GARIN3: variants seen among roughly 807,000 people sequenced by gnomAD.
GARIN3 encodes the protein golgi associated RAB2 interactor family member 3.
chr5:157,163,067 A>G, the GARIN3 span: 2 of 1,614,226 alleles, frequency 1.2e-6, no homozygotes, highest in Non-Finnish European at 1.7e-6. Context: ...TGCAAGGTGG[A>G]GATGAGGGGT....
At chr5:157,163,065 G>A in the GARIN3 span, 2 of 1,614,258 alleles carry the variant, frequency 1.2e-6, no homozygotes, top group East Asian at 2.2e-5. Flanking sequence ...TTTGCAAGGT[G>A]GAGATGAGGG....
chr5:157,165,461 T>C, the GARIN3 span: 1 of 1,501,770 alleles, frequency 6.7e-7, no homozygotes, highest in Non-Finnish European at 8.9e-7. Context: ...GCAATACTTT[T>C]TCCAGGTGGG....
the GARIN3 span, chr5:157,163,591 G>A: frequency 1.2e-6 from 2 of 1,614,142 alleles, no homozygotes; most frequent in South Asian, 2.2e-5. Context: ...AGAGGTGGCT[G>A]CAGATACATC....
At chr5:157,166,237 T>TA in the GARIN3 span, 1 of 1,548,202 alleles carries the variant, frequency 6.5e-7, no homozygotes. Flanking sequence ...GGAGAGAAGG[T>TA]AACTGCCCAT....
chr5:157,163,955 G>C, the GARIN3 span, among the ~76,000 whole-genome samples: 1 of 152,166 alleles, frequency 6.6e-6, no homozygotes, highest in South Asian at 2.1e-4. Flanking sequence ...TACTCAGTAG[G>C]CTGAGGTAGG....
At chr5:157,162,153 A>G in the GARIN3 span, 1 of 416,794 alleles carries the variant, frequency 2.4e-6, no homozygotes, top group South Asian at 3.7e-5. Flanking sequence ...AGTCTCGGGG[A>G]AGCAAAAGGG....
the GARIN3 span, chr5:157,163,477 G>GA: frequency 5.6e-6 from 9 of 1,614,188 alleles, no homozygotes; most frequent in South Asian, 9.9e-5. Flanking sequence ...TGCTGTCCTT[G>GA]CTGCTCCTCC....
the GARIN3 span, among the ~76,000 whole-genome samples, chr5:157,164,387 G>A: frequency 6.6e-6 from 1 of 151,872 alleles, no homozygotes; most frequent in Non-Finnish European, 1.5e-5. Context: ...CCTGACCTCT[G>A]GTGAGCCGCC....
At chr5:157,165,895 G>C in the GARIN3 span, 4 of 1,614,170 alleles carry the variant, frequency 2.5e-6, 1 homozygote, top group South Asian at 4.4e-5. Flanking sequence ...ATTTTAGTTG[G>C]TTGGGCCAGA....
At chr5:157,162,493 G>T in the GARIN3 span, 7 of 1,614,076 alleles carry the variant, frequency 4.3e-6, no homozygotes, top group Non-Finnish European at 5.9e-6. Context: ...CTTCTCGGAT[G>T]TCATAGTGCC....
chr5:157,165,875 C>G, the GARIN3 span: 1 of 1,614,036 alleles, frequency 6.2e-7, no homozygotes, highest in African/African-American at 1.3e-5. Context: ...ATCTGACATG[C>G]TGTTCACAGA....
the GARIN3 span, chr5:157,162,101 G>A: frequency 3.2e-6 from 1 of 314,336 alleles, no homozygotes; most frequent in Non-Finnish European, 5.9e-6. Flanking sequence ...GAGGGGACAT[G>A]GTGGTGGCCA....
chr5:157,163,485 T>C, the GARIN3 span: 2 of 1,614,074 alleles, frequency 1.2e-6, no homozygotes, highest in East Asian at 4.5e-5. Context: ...TTGCTGCTCC[T>C]CCTTCAGCAG....
chr5:157,165,862 C>A, the GARIN3 span: 1 of 1,614,014 alleles, frequency 6.2e-7, no homozygotes, highest in Non-Finnish European at 8.5e-7. Context: ...GCAAACCGGC[C>A]CCATCTGACA....
chr5:157,163,051 T>C, the GARIN3 span: 1 of 1,614,272 alleles, frequency 6.2e-7, no homozygotes, highest in East Asian at 2.2e-5. Context: ...CATGTAGCCT[T>C]CGCTTTGCAA....
At chr5:157,163,758 T>G in the GARIN3 span, 1 of 1,457,354 alleles carries the variant, frequency 6.9e-7, no homozygotes, top group Non-Finnish European at 9.1e-7. Flanking sequence ...CAAGGGCTTA[T>G]AATTAGAAGA....
the GARIN3 span, among the ~76,000 whole-genome samples, chr5:157,164,897 G>C: frequency 3.3e-5 from 5 of 152,254 alleles, no homozygotes; most frequent in Admixed American, 1.3e-4. Context: ...GCAGGTGCCT[G>C]TAATCCCAGC....
the GARIN3 span, chr5:157,163,271 C>T: frequency 6.2e-7 from 1 of 1,614,096 alleles, no homozygotes; most frequent in African/African-American, 1.3e-5. Flanking sequence ...TTGGCAGCAC[C>T]TGCCATGGAC....
the GARIN3 span, among the ~76,000 whole-genome samples, chr5:157,164,314 T>C: frequency 6.6e-6 from 1 of 152,134 alleles, no homozygotes; most frequent in African/African-American, 2.4e-5. Context: ...CATACCTGGC[T>C]AATTTTTTTG....
Sources: allele counts gnomAD v4.1 joint callset (sites outside exome capture counted in the v4.1 genomes callset), GRCh38; gene constraint gnomAD v4.1.1; transcripts MANE v1.5; gene names NCBI Gene and HGNC (gene_info 2026-07-23, HGNC 2026-07-21).